Variants in SLC25A35 observed in about 807,000 individuals in gnomAD.
SLC25A35 encodes solute carrier family 25, member 35.
SLC25A35 carries 32 observed loss-of-function variants against 30.5 expected under a neutral mutation model. The observed-to-expected ratio is 1.05, with a 90% CI of 0.79 to 1.41. The LOEUF (loss-of-function observed/expected upper bound fraction) is 1.41. SLC25A35 is among the 40% of genes most tolerant of loss of function. SLC25A35 has a pLI of 0.00. For synonymous variants in SLC25A35, 142 were observed against 158.1 expected, an observed-to-expected ratio of 0.90 and a Z score of 0.77; for missense variants, 369 against 388.0, an observed-to-expected ratio of 0.95 and a Z score of 0.41.
At position 8,290,148 on chromosome 17, in the gene SLC25A35, G is replaced by T; in HGVS notation, c.*357C>A. Reference sequence around the variant, plus strand: ...TGGGTCCCAGACGCCTGGGAATTGGGTCTCTCGATTCCCTTTGGTTTTGGA... The same window carrying T: ...TGGGTCCCAGACGCCTGGGAATTGGTTCTCTCGATTCCCTTTGGTTTTGGA... On this transcript the variant is annotated 3_prime_UTR_variant, in exon 5 of 5. Coordinates refer to ENST00000577745, the MANE Select transcript of SLC25A35 (RefSeq NM_001320870.2). 6.9e-7 allele frequency: 1 copy of T among 1,447,086 alleles called. No homozygotes were observed. Among genetic ancestry groups the T allele is most frequent in the Non-Finnish European group, 9.1e-7 (1 of 1,103,658 alleles). 89.6% of individuals were successfully genotyped at this position (1,447,086 alleles called of 1,614,324 possible). A position where few individuals can be genotyped will look rare whatever the true frequency, so the allele number is the denominator to read the frequency against.
Position 8,294,860 on chromosome 17 carries a change from T to C in SLC25A35, c.-53A>G. Reference sequence around the variant, plus strand: ...CCAAGAGTAAGAAAGTAAAAATGGGTGTCAGAAAGCGGGGTTGGAAGACAG... The same window carrying C: ...CCAAGAGTAAGAAAGTAAAAATGGGCGTCAGAAAGCGGGGTTGGAAGACAG... On this transcript the variant is annotated 5_prime_UTR_variant, in exon 1 of 5. Transcript: ENST00000577745. 6.6e-7 allele frequency: 1 copy of C among 1,518,834 alleles called. No individual in the cohort carries two copies. Among genetic ancestry groups the C allele is most frequent in the Non-Finnish European group, 8.8e-7 (1 of 1,134,506 alleles). The allele number at this position is 1,518,834 out of a possible 1,614,324, so 94.1% of individuals were successfully genotyped here. A position where few individuals can be genotyped will look rare whatever the true frequency, so the allele number is the denominator to read the frequency against.
downstream of SLC25A35, chr17:8,290,021 T>C (rs1332934393): frequency 6.9e-6 from 11 of 1,605,238 alleles, no homozygotes; most frequent in Non-Finnish European, 9.4e-6. Flanking sequence ...GAGGGTTTCC[T>C]CTTATTTCTT....
chr17:8,295,002 A>G lies in SLC25A35; in HGVS notation c.-195T>C. The G allele has an allele frequency of 7.2e-7, 1 of 1,398,000 alleles. No individual in the cohort carries two copies. The highest frequency in any genetic ancestry group is 2.7e-5 in the East Asian group (1 of 37,394). The allele number at this position is 1,398,000 out of a possible 1,614,324, so 86.6% of individuals were successfully genotyped here. A position where few individuals can be genotyped will look rare whatever the true frequency, so the allele number is the denominator to read the frequency against. ...CGTCAGCTGGAATTTGGGAGTCAAGAGCTGGCAAGCAGGGAAGAGATAGAA... is the reference window on the plus strand; with the variant it reads ...CGTCAGCTGGAATTTGGGAGTCAAGGGCTGGCAAGCAGGGAAGAGATAGAA... On this transcript the variant is annotated 5_prime_UTR_variant, in exon 1 of 5. Transcript: ENST00000577745.
Position 8,290,356 on chromosome 17 carries a change from T to G in SLC25A35, c.*149A>C. On this transcript the variant is annotated 3_prime_UTR_variant, in exon 5 of 5. Transcript: ENST00000577745. ...AAGAAGGGAAACTCATCTCTTGTAG[T>G]GATTCAACCCTGAGAACAGATGGGG... is the stretch of plus-strand genomic sequence containing the variant. The G allele has an allele frequency of 6.9e-7, 1 of 1,441,038 alleles. No homozygotes were observed. The highest frequency in any genetic ancestry group is 9.1e-7 in the Non-Finnish European group (1 of 1,102,878). The allele number at this position is 1,441,038 out of a possible 1,614,324, so 89.3% of individuals were successfully genotyped here.
Position 8,293,418 on chromosome 17 carries a change from G to A in SLC25A35, c.376-830C>T, listed in dbSNP as rs527378860. 2.6e-4 allele frequency among the ~76,000 whole-genome samples: 40 copies of A among 152,150 alleles called. 1 individual carries two copies. The East Asian group carries it at 7.5e-3, about 29-fold the overall frequency. On this transcript the variant is annotated intron_variant, in intron 1 of 4. Coordinates refer to ENST00000577745, the MANE Select transcript of SLC25A35 (RefSeq NM_001320870.2). ...AAATGCTTACTGTCTGCCAGGATTC[G>A]CACTAATGCTTTCATGTCTACCGCA...
In SLC25A35 at chr17:8,294,979, T is replaced by C. The variant is rs1990766839; in HGVS notation, c.-172A>G. The C allele has an allele frequency of 9.3e-6, 13 of 1,404,170 alleles. No homozygotes were observed. In the South Asian group the frequency reaches 2.0e-4, roughly 21 times the overall value. 87.0% of individuals were successfully genotyped at this position (1,404,170 alleles called of 1,614,324 possible). A position where few individuals can be genotyped will look rare whatever the true frequency, so the allele number is the denominator to read the frequency against. On this transcript the variant is annotated 5_prime_UTR_variant, in exon 1 of 5. Coordinates refer to ENST00000577745, the MANE Select transcript of SLC25A35 (RefSeq NM_001320870.2). ...GGGTCAAATGTCAAGTGGTCAAACG[T>C]CAGCTGGAATTTGGGAGTCAAGAGC... is the stretch of plus-strand genomic sequence containing the variant.
rs1199370802 is a variant in SLC25A35, at chr17:8,290,887, C to T, written c.684G>A (p.Val228=). The T allele has an allele frequency of 6.2e-7, 1 of 1,613,954 alleles. No homozygotes were observed. ...AVVLAMAPFD[V]ACTRLYNQPT... Reference sequence around the variant, plus strand: ...GCTGGTTGTAGAGCCTTGTGCAGGCCACATCAAAGGGTGCCATGGCCAAGA... The same window carrying T: ...GCTGGTTGTAGAGCCTTGTGCAGGCTACATCAAAGGGTGCCATGGCCAAGA... The change falls in exon 4 of 5, where the codon GTG becomes GTA. Residue 228 remains valine (V), a synonymous_variant. Coordinates refer to ENST00000577745, the MANE Select transcript of SLC25A35 (RefSeq NM_001320870.2).
rs1437488324 is a variant in SLC25A35, at chr17:8,290,599, A to G, written c.809T>C (p.Ile270Thr). ...GCCGAGGCGGAAGTAGGAGGCACCTATACCCTTGTACATGCCAAAAATGCC... is the reference window on the plus strand; with the variant it reads ...GCCGAGGCGGAAGTAGGAGGCACCTGTACCCTTGTACATGCCAAAAATGCC... Reference protein sequence around the residue: ...TEGIFGMYKGIGASYFRLGPH... With the variant: ...TEGIFGMYKGTGASYFRLGPH... Residue 270 changes from isoleucine (I) to threonine (T), a missense_variant, in exon 5 of 5, where the codon ATA (isoleucine) becomes ACA (threonine). Transcript: ENST00000577745. 2.6e-6 allele frequency: 4 copies of G among 1,536,626 alleles called. No individual in the cohort carries two copies.
Position 8,295,335 on chromosome 17 carries a change from C to G in SLC25A35, c.-528G>C. 1.0e-6 allele frequency: 1 copy of G among 985,850 alleles called. No individual in the cohort carries two copies. The highest frequency in any genetic ancestry group is 4.7e-5 in the South Asian group (1 of 21,326). The allele number at this position is 985,850 out of a possible 1,614,324, so 61.1% of individuals were successfully genotyped here. On this transcript the variant is annotated 5_prime_UTR_variant, in exon 1 of 5. Coordinates refer to ENST00000577745, the MANE Select transcript of SLC25A35 (RefSeq NM_001320870.2). The stretch of plus-strand genomic sequence containing the variant: ...GTCCCTGAGCGTCCCCAGGCAGCCA[C>G]CGGAGCTCGCAGTAGCTTCAACCCC...
At chr17:8,289,707 AGG>A, downstream of SLC25A35, 21 of 1,612,592 alleles carry the variant, frequency 1.3e-5, no homozygotes, top group Non-Finnish European at 1.7e-5. Context: ...AGTGGGCCAG[AGG>A]TTTGGGGTAA....
Position 8,290,131 on chromosome 17 carries a change from A to C in SLC25A35, c.*374T>G. ...GAATCTAACAGGACACCTGGGTCCC[A>C]GACGCCTGGGAATTGGGTCTCTCGA... On this transcript the variant is annotated 3_prime_UTR_variant, in exon 5 of 5. Transcript: ENST00000577745. 1.4e-6 allele frequency: 2 copies of C among 1,460,510 alleles called. No homozygotes were observed. Among genetic ancestry groups the C allele is most frequent in the Non-Finnish European group, 1.8e-6 (2 of 1,109,372 alleles). The allele number at this position is 1,460,510 out of a possible 1,614,324, so 90.5% of individuals were successfully genotyped here. A position where few individuals can be genotyped will look rare whatever the true frequency, so the allele number is the denominator to read the frequency against.
chr17:8,290,397 C>T lies in SLC25A35; in HGVS notation c.*108G>A, dbSNP rs997300475. 6.8e-6 allele frequency: 10 copies of T among 1,467,156 alleles called. No homozygotes were observed. The highest frequency in any genetic ancestry group is 1.4e-5 in the African/African-American group (1 of 71,160). The allele number at this position is 1,467,156 out of a possible 1,614,324, so 90.9% of individuals were successfully genotyped here. A position where few individuals can be genotyped will look rare whatever the true frequency, so the allele number is the denominator to read the frequency against. ...ACAGATGGGGAGTGGGGTTGGCTGT[C>T]CCCCATGGATGGATGAAAGGTCACC... On this transcript the variant is annotated 3_prime_UTR_variant, in exon 5 of 5. Coordinates refer to ENST00000577745, the MANE Select transcript of SLC25A35 (RefSeq NM_001320870.2).
In SLC25A35 at chr17:8,294,739, C is replaced by T. The variant is rs1164196138; in HGVS notation, c.69G>A (p.Val23=). The stretch of plus-strand genomic sequence containing the variant: ...CTCCTTGCAACTGCATCCTGGTCTT[C>T]ACCACCTCCAGGGGATTGGTGAATA... ...ACVFTNPLEV[V]KTRMQLQGEL... is the part of the protein sequence containing the mutation. Residue 23 remains valine, a synonymous_variant, in exon 1 of 5, where the codon GTG becomes GTA. Coordinates refer to ENST00000577745, the MANE Select transcript of SLC25A35 (RefSeq NM_001320870.2). 6.2e-7 allele frequency: 1 copy of T among 1,613,786 alleles called. No individual in the cohort carries two copies. Among genetic ancestry groups the T allele is most frequent in the Non-Finnish European group, 8.5e-7 (1 of 1,179,902 alleles).
At chr17:8,288,861 G>T (rs1447518549), downstream of SLC25A35, 1 of 1,614,114 alleles carries the variant, frequency 6.2e-7, no homozygotes, top group East Asian at 2.2e-5. Flanking sequence ...GGCCATTGAC[G>T]TAAGGTGAGA....
downstream of SLC25A35, chr17:8,289,585 C>A: frequency 1.2e-6 from 2 of 1,611,970 alleles, no homozygotes; most frequent in Non-Finnish European, 1.7e-6. Flanking sequence ...TTCAATCAGC[C>A]CCCGTAAGGA....
intron 1 of SLC25A35, 108 bp downstream of exon 1, chr17:8,294,325 T>C: frequency 8.0e-7 from 1 of 1,247,742 alleles, no homozygotes; most frequent in South Asian, 1.5e-5. Context: ...TGCCTTTCCC[T>C]GCTTGCAGTG....
Position 8,291,403 on chromosome 17 carries a change from C to A in SLC25A35, c.524G>T (p.Arg175Leu). 6.2e-7 allele frequency: 1 copy of A among 1,614,168 alleles called. No individual in the cohort carries two copies. Residue 175 changes from arginine (R) to leucine (L), a missense_variant, in exon 3 of 5, where the codon CGA becomes CTA. Arg to Leu is a moderately radical substitution (Grantham distance 102, BLOSUM62 -2). Coordinates refer to ENST00000577745, the MANE Select transcript of SLC25A35 (RefSeq NM_001320870.2). ...LWRGALGGLP[R>L]VIVGSSTQLC... The stretch of plus-strand genomic sequence containing the variant: ...CTGGGTGGAGGAACCGACGATAACT[C>A]GGGGCAGGCCGCCCAGAGCCCCACG...
chr17:8,289,548 C>T, downstream of SLC25A35: 2 of 1,614,050 alleles, frequency 1.2e-6, no homozygotes. Context: ...GAGGCTGCCC[C>T]AGTACCAGAC....
In SLC25A35 at chr17:8,290,260, G is replaced by A. The variant is rs8066165; in HGVS notation, c.*245C>T. The A allele has an allele frequency of 7.0e-6, 10 of 1,424,882 alleles. No homozygotes were observed. Among genetic ancestry groups the A allele is most frequent in the African/African-American group, 1.4e-5 (1 of 69,428 alleles). 88.3% of individuals were successfully genotyped at this position (1,424,882 alleles called of 1,614,324 possible). A position where few individuals can be genotyped will look rare whatever the true frequency, so the allele number is the denominator to read the frequency against. On this transcript the variant is annotated 3_prime_UTR_variant, in exon 5 of 5. Transcript: ENST00000577745. ...GAGGAAATACACTTTGGGATGACTC[G>A]TTCAGCCCTGAGAGAGGGGTGTGAG... is the stretch of plus-strand genomic sequence containing the variant.
Sources: gnomAD v4.1 joint callset for allele counts (sites outside exome capture counted in the v4.1 genomes callset) on GRCh38, gnomAD v4.1.1 for gene constraint, MANE v1.5 for transcripts, NCBI Gene and HGNC (gene_info 2026-07-23, HGNC 2026-07-21) for gene names.